SPDYE5: variants seen among roughly 807,000 people sequenced by gnomAD.
SPDYE5 encodes the protein speedy/RINGO cell cycle regulator family member E5.
SPDYE5 carries 15 observed loss-of-function variants against 48.5 expected under a neutral mutation model. The observed-to-expected ratio is 0.31, with a 90% CI of 0.21 to 0.48. SPDYE5 has a LOEUF of 0.48. Ranked by LOEUF, SPDYE5 falls within the 20% of genes least tolerant of loss-of-function variation. The pLI is 0.99. For synonymous variants in SPDYE5, 116 were observed against 200.7 expected (o/e 0.58, Z 3.57); for missense variants, 331 against 549.1 (o/e 0.60, Z 3.97).
chr7:75,492,704 G>C (rs1180756092), intron 1 of SPDYE5, among the ~76,000 whole-genome samples: 2 of 152,148 alleles, frequency 1.3e-5, no homozygotes, highest in Non-Finnish European at 2.9e-5. Context: ...CTCCCAAAGT[G>C]CTGGGATTAC....
rs587623834 is a variant in SPDYE5, at chr7:75,494,704, T to C, written c.161-452T>C. ...GAGTTTGAGACCAGCCTGGCCAACA[T>C]GGTGAAACCCTGTCTCTACTAAAAG... On this transcript the variant is annotated intron_variant, in intron 2 of 8. Coordinates refer to ENST00000625065, the MANE Select transcript of SPDYE5 (RefSeq NM_001306141.4). Among the ~76,000 whole-genome samples the C allele has an allele frequency of 9.2e-5, 14 of 151,966 alleles. No homozygotes were observed. The East Asian group carries it at 9.7e-4, about 11-fold the overall frequency.
rs1300255297 is a variant in SPDYE5 at position 75,501,999 on chromosome 7, C to T, written c.*45+17C>T. 3,950 of 1,508,976 alleles carry T rather than the reference C, an allele frequency of 2.6e-3. 10 individuals carry two copies. Among genetic ancestry groups the T allele is most frequent in the Non-Finnish European group, 3.3e-3 (3,672 of 1,112,420 alleles). 93.5% of individuals were successfully genotyped at this position (1,508,976 alleles called of 1,614,324 possible). ...TGAGAGAAGGTACATCTGCATCCTC[C>T]GGGGTAAAGGCAGAATATTGGGGTC... is the stretch of plus-strand genomic sequence containing the variant. On this transcript the variant is annotated intron_variant, in intron 8 of 8. Coordinates refer to ENST00000625065, the MANE Select transcript of SPDYE5 (RefSeq NM_001306141.4).
chr7:75,495,189 C>A lies in SPDYE5; in HGVS notation c.194C>A (p.Ser65Tyr). 1 of 1,597,308 alleles carries A rather than the reference C, an allele frequency of 6.3e-7. No homozygotes were observed. ...GTAGATCCCAGCCCCCCATGTAGGT[C>A]CCTTGGCTGGAAAAGGAAGAGGGAG... ...PGVDPSPPCR[S>Y]LGWKRKREWS... Residue 65 changes from serine to tyrosine, a missense_variant, in exon 3 of 9, where the codon TCC (serine) becomes TAC (tyrosine). Physicochemically the swap from Ser to Tyr is moderately radical, Grantham distance 144. Transcript: ENST00000625065.
In SPDYE5 at chr7:75,503,258, C is replaced by G. The variant is rs1793215383; in HGVS notation, c.*471C>G. ...GAAATATCAGTGCCACAGATTGTAA[C>G]AGATAGCTTCATGCACACTCTGCAT... On this transcript the variant is annotated 3_prime_UTR_variant, in exon 9 of 9. Coordinates refer to ENST00000625065, the MANE Select transcript of SPDYE5 (RefSeq NM_001306141.4). 1 of 310,454 alleles carries G rather than the reference C, an allele frequency of 3.2e-6. No individual in the cohort carries two copies. Among genetic ancestry groups the G allele is most frequent in the Non-Finnish European group, 6.3e-6 (1 of 159,176 alleles). The allele number at this position is 310,454 out of a possible 1,614,324, so 19.2% of individuals were successfully genotyped here. A position where few individuals can be genotyped will look rare whatever the true frequency, so the allele number is the denominator to read the frequency against.
Position 75,501,974 on chromosome 7 carries a change from T to TGA in SPDYE5, c.*42_*43dup, listed in dbSNP as rs1243415842. On this transcript the variant is annotated 3_prime_UTR_variant, in exon 8 of 9. Transcript: ENST00000625065. ...CCGTGGAGGCCTGAGGTCATCGGCCTGAGAGAAGGTACATCTGCATCCTCC... is the reference window on the plus strand; with the variant it reads ...CCGTGGAGGCCTGAGGTCATCGGCCTGAGAGAGAAGGTACATCTGCATCCTCC... 6.5e-7 allele frequency: 1 copy of TGA among 1,548,392 alleles called. No individual in the cohort carries two copies. Among genetic ancestry groups the TGA allele is most frequent in the Non-Finnish European group, 8.8e-7 (1 of 1,134,752 alleles).
rs1473410390 is a variant in SPDYE5, at chr7:75,503,145, G to C, written c.*358G>C. On this transcript the variant is annotated 3_prime_UTR_variant, in exon 9 of 9. Coordinates refer to ENST00000625065, the MANE Select transcript of SPDYE5 (RefSeq NM_001306141.4). ...AACCTCCCTGGGGCGGAACCTGGAG[G>C]TCCTGTTTCTTATGGACTTGGTTAC... 2.3e-6 allele frequency: 1 copy of C among 443,020 alleles called. No individual in the cohort carries two copies. The highest frequency in any genetic ancestry group is 4.5e-6 in the Non-Finnish European group (1 of 224,456). The allele number at this position is 443,020 out of a possible 1,614,324, so 27.4% of individuals were successfully genotyped here.
At chr7:75,496,084 G>A (rs1218589702) in intron 3 of SPDYE5, among the ~76,000 whole-genome samples, 13 of 150,318 alleles carry the variant, frequency 8.6e-5, no homozygotes, top group African/African-American at 2.9e-4. Flanking sequence ...AGGAGGGTGT[G>A]TGGGAAGAAT....
At chr7:75,492,631 G>GT (rs757299187) in intron 1 of SPDYE5, among the ~76,000 whole-genome samples, 190 bp downstream of exon 1, 2 of 151,866 alleles carry the variant, frequency 1.3e-5, no homozygotes, top group Non-Finnish European at 2.9e-5. Context: ...TAGAGATGGG[G>GT]TTTCACCATG....
Position 75,501,633 on chromosome 7 carries a change from C to G in SPDYE5, c.1027C>G (p.Arg343Gly). 1 of 1,613,508 alleles carries G rather than the reference C, an allele frequency of 6.2e-7. No homozygotes were observed. The highest frequency in any genetic ancestry group is 2.2e-5 in the East Asian group (1 of 44,848). Reference sequence around the variant, plus strand: ...CCGTAAGCGTCGGTTCCAGTTAGGCCGTTCCATGAACCTGAGGGCCAGGAA... The same window carrying G: ...CCGTAAGCGTCGGTTCCAGTTAGGCGGTTCCATGAACCTGAGGGCCAGGAA... ...LLRKRRFQLG[R>G]SMNLRARKNR... Residue 343 changes from arginine (R) to glycine (G), a missense_variant, in exon 7 of 9, where the codon CGT becomes GGT. Around this residue, in one of 8 missense-constraint regions of SPDYE5, gnomAD observed 101 missense variants for 104.0 expected, o/e 0.97. Coordinates refer to ENST00000625065, the MANE Select transcript of SPDYE5 (RefSeq NM_001306141.4).
At chr7:75,499,487 C>T (rs2116617453) in intron 6 of SPDYE5, among the ~76,000 whole-genome samples, 171 bp downstream of exon 6, 1 of 151,832 alleles carries the variant, frequency 6.6e-6, no homozygotes, top group Non-Finnish European at 1.5e-5. Flanking sequence ...GAAACTCAGG[C>T]TGGGCACAGT....
chr7:75,497,489 TAAAC>T (rs1339532596), intron 4 of SPDYE5, among the ~76,000 whole-genome samples: 4 of 150,074 alleles, frequency 2.7e-5, no homozygotes, highest in Admixed American at 6.6e-5. Flanking sequence ...ACAAAATCAA[TAAAC>T]AAAGAAAGTG....
intron 2 of SPDYE5, among the ~76,000 whole-genome samples, chr7:75,494,671 G>C (rs1792862243): frequency 6.6e-6 from 1 of 152,124 alleles, no homozygotes; most frequent in Non-Finnish European, 1.5e-5. Context: ...CGGATCACTT[G>C]AGGCCAGGAG....
chr7:75,497,470 TAAAG>T (rs1210311570), intron 4 of SPDYE5, among the ~76,000 whole-genome samples: 11 of 150,220 alleles, frequency 7.3e-5, no homozygotes, highest in African/African-American at 2.4e-4. Flanking sequence ...AAAAATCAAA[TAAAG>T]AAAAACAAAA....
rs189859653 is a variant in SPDYE5 at position 75,498,691 on chromosome 7, C to T, written c.670-540C>T. On this transcript the variant is annotated intron_variant, in intron 5 of 8. Transcript: ENST00000625065. Reference sequence around the variant, plus strand: ...TCTAGAACTGTTGGGCTCACATGATCCTCCTGTCTCCACCTCTCAAAAAGT... The same window carrying T: ...TCTAGAACTGTTGGGCTCACATGATTCTCCTGTCTCCACCTCTCAAAAAGT... 4.5e-3 allele frequency among the ~76,000 whole-genome samples: 687 copies of T among 152,246 alleles called. 1 individual carries two copies. Among genetic ancestry groups the T allele is most frequent in the African/African-American group, 0.016 (660 of 41,558 alleles).
chr7:75,493,401 C>G (rs1554481992), intron 1 of SPDYE5, among the ~76,000 whole-genome samples: 1 of 151,596 alleles, frequency 6.6e-6, no homozygotes, highest in Non-Finnish European at 1.5e-5. Flanking sequence ...AGTATAGAAT[C>G]TCGGACAGTG....
chr7:75,500,461 TG>T (rs1793102837), intron 6 of SPDYE5, among the ~76,000 whole-genome samples: 1 of 151,218 alleles, frequency 6.6e-6, no homozygotes, highest in Non-Finnish European at 1.5e-5. Flanking sequence ...TTAGGTCATC[TG>T]CCTTGATTAC....
chr7:75,503,078 C>T lies in SPDYE5; in HGVS notation c.*291C>T. 1.9e-6 allele frequency: 1 copy of T among 519,372 alleles called. No homozygotes were observed. Among genetic ancestry groups the T allele is most frequent in the Non-Finnish European group, 3.7e-6 (1 of 272,816 alleles). The allele number at this position is 519,372 out of a possible 1,614,324, so 32.2% of individuals were successfully genotyped here. ...AACCAGGAGTGTTTCCAGTTCCACC[C>T]TTTCCTGCAGCACCACCACCCTTTC... is the stretch of plus-strand genomic sequence containing the variant. On this transcript the variant is annotated 3_prime_UTR_variant, in exon 9 of 9. Transcript: ENST00000625065.
chr7:75,503,899 G>C lies in SPDYE5; in HGVS notation c.*1112G>C, dbSNP rs587627205. 7.9e-5 allele frequency: 12 copies of C among 151,006 alleles called. No individual in the cohort carries two copies. Among genetic ancestry groups the C allele is most frequent in the East Asian group, 5.8e-4 (3 of 5,164 alleles). 9.4% of individuals were successfully genotyped at this position (151,006 alleles called of 1,614,324 possible). A position where few individuals can be genotyped will look rare whatever the true frequency, so the allele number is the denominator to read the frequency against. The stretch of plus-strand genomic sequence containing the variant: ...GCTGTTTCTATAAAGCTGTGTGATG[G>C]GTGTTATAACTGTTATATACACATA... On this transcript the variant is annotated 3_prime_UTR_variant, in exon 9 of 9. Coordinates refer to ENST00000625065, the MANE Select transcript of SPDYE5 (RefSeq NM_001306141.4).
At chr7:75,502,217 C>T (rs1319237360) in intron 8 of SPDYE5, among the ~76,000 whole-genome samples, 2 of 147,296 alleles carry the variant, frequency 1.4e-5, no homozygotes, top group Admixed American at 6.8e-5. Context: ...GAGCCCTGAT[C>T]CTGCCACTGC....
Sources: gnomAD v4.1 joint callset for allele counts (sites outside exome capture counted in the v4.1 genomes callset) on GRCh38, gnomAD v4.1.1 for gene constraint, gnomAD v4.1.1 regional missense constraint, MANE v1.5 for transcripts, NCBI Gene and HGNC (gene_info 2026-07-23, HGNC 2026-07-21) for gene names.